Variants in BBOF1 observed in about 807,000 individuals in gnomAD.
BBOF1 encodes the protein basal body-orientation factor 1.
In BBOF1, 62 loss-of-function variants were observed where a neutral mutation model predicts 68.0. That is an observed-to-expected ratio of 0.91 (90% CI 0.74 to 1.13). The LOEUF (loss-of-function observed/expected upper bound fraction) is 1.13, where lower values mean the gene tolerates loss of function less well. Ranked by LOEUF, BBOF1 falls within the 50% of genes most tolerant of loss-of-function variation. The probability of loss-of-function intolerance (pLI) is 0.00; values close to 1 mark genes in which losing one functional copy is unlikely to be tolerated. For synonymous variants in BBOF1, 208 were observed against 198.8 expected (o/e 1.05, Z -0.39); for missense variants, 534 against 600.1 (o/e 0.89, Z 1.15).
intron 9 of BBOF1, chr14:74,071,250 G>T: frequency 1.2e-6 from 2 of 1,614,088 alleles, no homozygotes; most frequent in South Asian, 2.2e-5. Flanking sequence ...CAGAATCCTG[G>T]AGCAACTTAG....
downstream of BBOF1, chr14:74,069,018 C>T: frequency 6.2e-7 from 1 of 1,604,986 alleles, no homozygotes; most frequent in Non-Finnish European, 8.5e-7. Flanking sequence ...CACAAAGGAG[C>T]AAATGGATTC....
chr14:74,054,511 TG>T (rs1272758568), intron 8 of BBOF1, among the ~76,000 whole-genome samples: 1 of 151,684 alleles, frequency 6.6e-6, no homozygotes, highest in Admixed American at 6.6e-5. Context: ...CCTGAGTAGC[TG>T]GGATTACAGG....
intron 10 of BBOF1, among the ~76,000 whole-genome samples, chr14:74,080,708 G>T (rs1315574231): frequency 6.6e-6 from 1 of 152,136 alleles, no homozygotes; most frequent in East Asian, 1.9e-4. Flanking sequence ...CACCCAAAGT[G>T]TTGGGATTAC....
At chr14:74,027,385 C>CT (rs35107293) in intron 2 of BBOF1, among the ~76,000 whole-genome samples, 10,994 of 61,068 alleles carry the variant, frequency 0.18, 2,863 homozygotes, top group Non-Finnish European at 0.23. Context: ...CCTCGCCCAG[C>CT]TTTTTTTTTT....
At chr14:74,026,049 G>C (rs569274390) in intron 2 of BBOF1, among the ~76,000 whole-genome samples, 43 of 151,742 alleles carry the variant, frequency 2.8e-4, no homozygotes, top group African/African-American at 1.0e-3. Context: ...GTTGAGGCAC[G>C]AGAATTGCTT....
rs755929984 is a variant in BBOF1, at chr14:74,034,020, G to A, written c.352-8G>A. The A allele has an allele frequency of 1.3e-6, 2 of 1,577,598 alleles. No individual in the cohort carries two copies. The highest frequency in any genetic ancestry group is 2.8e-5 in the African/African-American group (2 of 72,478). ...TTCCTAACTCGTTTACCTCTTTTTT[G>A]AATACAGGAACAAAAGTATACCAGG... On this transcript the variant is annotated splice_polypyrimidine_tract_variant and splice_region_variant and intron_variant, in intron 3 of 11. Coordinates refer to ENST00000394009, the MANE Select transcript of BBOF1 (RefSeq NM_025057.3).
chr14:74,040,279 G>A (rs62005105), intron 4 of BBOF1, among the ~76,000 whole-genome samples: 14,551 of 152,170 alleles, frequency 0.096, 943 homozygotes, highest in Non-Finnish European at 0.15. Context: ...GTGAGCCACC[G>A]TGCTCAGCCT....
At chr14:74,070,952 G>A, downstream of BBOF1, 1 of 538,306 alleles carries the variant, frequency 1.9e-6, no homozygotes, top group Non-Finnish European at 3.3e-6. Context: ...TCTTATCTGT[G>A]TCTAGCCCTA....
At chr14:74,046,438 G>T (rs946141435) in intron 6 of BBOF1, among the ~76,000 whole-genome samples, 3 of 151,766 alleles carry the variant, frequency 2.0e-5, no homozygotes, top group African/African-American at 7.3e-5. Flanking sequence ...AGCGGCATGA[G>T]CTTGGCTCAC....
At chr14:74,021,838 C>T (rs550126139) in intron 1 of BBOF1, among the ~76,000 whole-genome samples, 3 of 151,358 alleles carry the variant, frequency 2.0e-5, no homozygotes, top group East Asian at 3.9e-4. Flanking sequence ...ACCTGGGAGG[C>T]GGAGCTTGCA....
At chr14:74,034,740 C>T (rs1289623337) in intron 4 of BBOF1, among the ~76,000 whole-genome samples, 1 of 152,112 alleles carries the variant, frequency 6.6e-6, no homozygotes, top group African/African-American at 2.4e-5. Flanking sequence ...TGACTATAGG[C>T]AAGTTACTTA....
chr14:74,079,464 C>T (rs1033418034), intron 10 of BBOF1, among the ~76,000 whole-genome samples: 7 of 147,268 alleles, frequency 4.8e-5, no homozygotes, highest in Admixed American at 1.4e-4. Context: ...GACAGAGTCT[C>T]ACTCTGTCGC....
At chr14:74,036,920 A>G (rs2059714791) in intron 4 of BBOF1, among the ~76,000 whole-genome samples, 1 of 141,470 alleles carries the variant, frequency 7.1e-6, no homozygotes, top group South Asian at 2.2e-4. Flanking sequence ...TCTAAAATAT[A>G]TTCCTGGTAG....
intron 5 of BBOF1, among the ~76,000 whole-genome samples, chr14:74,043,503 T>C (rs2059876629): frequency 7.3e-6 from 1 of 136,146 alleles, no homozygotes; most frequent in African/African-American, 2.8e-5. Context: ...TGAGCCGAGA[T>C]TGCGCCACTG....
chr14:74,067,775 A>G (rs1471148671), downstream of BBOF1, among the ~76,000 whole-genome samples: 1 of 151,902 alleles, frequency 6.6e-6, no homozygotes, highest in East Asian at 1.9e-4. Context: ...AATACAAAAA[A>G]TTAGCCAGGC....
chr14:74,046,204 T>C, intron 6 of BBOF1, 74 bp downstream of exon 6: 1 of 1,322,096 alleles, frequency 7.6e-7, no homozygotes, highest in East Asian at 2.5e-5. Flanking sequence ...TCTTCTTACT[T>C]TCTTGTCTTC....
chr14:74,035,573 A>G (rs1343478117), intron 4 of BBOF1, among the ~76,000 whole-genome samples: 1 of 95,298 alleles, frequency 1.0e-5, no homozygotes, highest in African/African-American at 4.4e-5. Flanking sequence ...GTGCACCACC[A>G]CCCCCAGCTA....
intron 11 of BBOF1, chr14:74,058,672 T>TA: frequency 1.3e-5 from 2 of 152,054 alleles, no homozygotes; most frequent in South Asian, 4.2e-4. Context: ...AAGTGACTGG[T>TA]AAGGACGCAG....
Position 74,025,932 on chromosome 14 carries a change from G to C in BBOF1, c.285+2788G>C, listed in dbSNP as rs551948826. 1.4e-3 allele frequency among the ~76,000 whole-genome samples: 205 copies of C among 151,514 alleles called. 1 individual carries two copies. Among genetic ancestry groups the C allele is most frequent in the African/African-American group, 4.8e-3 (197 of 41,326 alleles). On this transcript the variant is annotated intron_variant, in intron 2 of 11. Transcript: ENST00000394009. ...GGGGGGGTGCATCACATGAGGCCAG[G>C]AGTTTGAGACCATCCTGGCCAACAG...
Sources: gnomAD v4.1 joint callset for allele counts (sites outside exome capture counted in the v4.1 genomes callset) on GRCh38, gnomAD v4.1.1 for gene constraint, MANE v1.5 for transcripts, NCBI Gene and HGNC (gene_info 2026-07-23, HGNC 2026-07-21) for gene names.